Variants in TEX15 observed in about 807,000 individuals in gnomAD.
TEX15 encodes the protein testis-expressed protein 15.
In TEX15, 171 loss-of-function variants were observed where a neutral mutation model predicts 237.3. That is an observed-to-expected ratio of 0.72 (90% CI 0.64 to 0.82). The LOEUF is 0.82. Ranked by LOEUF, TEX15 falls within the 40% of genes least tolerant of loss-of-function variation. The pLI, the probability that TEX15 is intolerant of heterozygous loss-of-function variation, is 0.00. For synonymous variants in TEX15, 1,338 were observed against 1,269.8 expected, an observed-to-expected ratio of 1.05 and a Z score of -1.14; for missense variants, 3,750 against 3,646.5, an observed-to-expected ratio of 1.03 and a Z score of -0.73.
At chr8:30,838,801 T>C (rs536266276) in intron 9 of TEX15, among the ~76,000 whole-genome samples, 3 of 119,862 alleles carry the variant, frequency 2.5e-5, no homozygotes, top group East Asian at 2.2e-4. Flanking sequence ...TATATATATA[T>C]ATATATATAT....
intron 5 of TEX15, among the ~76,000 whole-genome samples, chr8:30,861,948 A>G (rs550686201): frequency 1.3e-5 from 2 of 152,286 alleles, no homozygotes; most frequent in Admixed American, 1.3e-4. Context: ...ATCATAATGA[A>G]GAAAAAATTA....
chr8:30,867,883 G>A (rs1285017200), intron 4 of TEX15, among the ~76,000 whole-genome samples: 2 of 152,022 alleles, frequency 1.3e-5, no homozygotes, highest in Non-Finnish European at 2.9e-5. Context: ...GGTTCAGAAA[G>A]TTAAATCTTG....
chr8:30,911,248 T>G (rs748029310), intron 1 of TEX15, among the ~76,000 whole-genome samples: 5 of 152,164 alleles, frequency 3.3e-5, no homozygotes, highest in Non-Finnish European at 7.3e-5. Flanking sequence ...GCCTCCCGAA[T>G]AGTTGAGATT....
At chr8:30,860,199 C>T (rs1808015584) in intron 5 of TEX15, 142 bp from the exon 6 acceptor site, 3 of 643,732 alleles carry the variant, frequency 4.7e-6, no homozygotes, top group Non-Finnish European at 2.3e-6. Flanking sequence ...GCTGGAGTTG[C>T]AGGCTCGACC....
At chr8:30,908,037 AC>A (rs745522235) in intron 1 of TEX15, among the ~76,000 whole-genome samples, 2 of 151,952 alleles carry the variant, frequency 1.3e-5, no homozygotes, top group African/African-American at 2.4e-5. Context: ...TCAGCAACCT[AC>A]CCCCTCTACC....
chr8:30,841,677 A>T (rs887467733), intron 8 of TEX15, among the ~76,000 whole-genome samples: 1 of 152,100 alleles, frequency 6.6e-6, no homozygotes, highest in Non-Finnish European at 1.5e-5. Flanking sequence ...CTACTCAATA[A>T]ATATTGGTCT....
At chr8:30,900,754 A>G (rs1374443188) in intron 1 of TEX15, among the ~76,000 whole-genome samples, 2 of 152,240 alleles carry the variant, frequency 1.3e-5, no homozygotes, top group Admixed American at 1.3e-4. Flanking sequence ...GGAAAAAGAA[A>G]AGTTGGCTAC....
Position 30,874,959 on chromosome 8 carries a change from C to T in TEX15, c.280G>A (p.Glu94Lys), listed in dbSNP as rs1808371458. 7.4e-7 allele frequency: 1 copy of T among 1,342,402 alleles called. No individual in the cohort carries two copies. The highest frequency in any genetic ancestry group is 9.5e-7 in the Non-Finnish European group (1 of 1,047,440). 83.2% of individuals were successfully genotyped at this position (1,342,402 alleles called of 1,614,324 possible). ...TACCTCTTAGCAGTAAAATTTTTTT[C>T]CAGTTCCTCATTGTGAACCAGTTTT... ...DTKLVHNEEL[E>K]KNFTAKRSEM... The change falls in exon 4 of 11, where the codon GAA (glutamate) becomes AAA (lysine). Residue 94 changes from glutamate to lysine, a missense_variant. Physicochemically the swap from Glu to Lys is moderately conservative, Grantham distance 56. Coordinates refer to ENST00000643185, the MANE Select transcript of TEX15 (RefSeq NM_001350162.2).
chr8:30,901,903 A>C (rs1585317157), intron 1 of TEX15, among the ~76,000 whole-genome samples: 1 of 152,354 alleles, frequency 6.6e-6, no homozygotes, highest in East Asian at 1.9e-4. Context: ...ATTATAGATC[A>C]CTGGCTACGC....
rs1437412660 is a variant in TEX15, at chr8:30,854,505, T to C, written c.850+4163A>G. 2.6e-5 allele frequency among the ~76,000 whole-genome samples: 4 copies of C among 152,104 alleles called. 1 individual carries two copies. The highest frequency in any genetic ancestry group is 7.2e-5 in the African/African-American group (3 of 41,426). On this transcript the variant is annotated intron_variant, in intron 7 of 10. Transcript: ENST00000643185. ...AGAAACTGAATGAGTAATTGAATAC[T>C]ACCCACAAGGAAAAACCCATCCCCA...
Position 30,843,530 on chromosome 8 carries a change from T to C in TEX15, c.6637A>G (p.Lys2213Glu), listed in dbSNP as rs1266278863. 1 of 1,613,164 alleles carries C rather than the reference T, an allele frequency of 6.2e-7. No homozygotes were observed. Among genetic ancestry groups the C allele is most frequent in the South Asian group, 1.1e-5 (1 of 91,014 alleles). Reference protein sequence around the residue: ...DSLEDLEILRKSTLKLINVCG... With the variant: ...DSLEDLEILRESTLKLINVCG... ...ACATTGATCAACTTTAAAGTACTTT[T>C]TCTTAAGATTTCCAGGTCTTCTAAA... The change falls in exon 8 of 11, where the codon AAA becomes GAA. Residue 2213 changes from lysine (K) to glutamate (E), a missense_variant. By Grantham distance (56) the Lys-to-Glu change is moderately conservative. Coordinates refer to ENST00000643185, the MANE Select transcript of TEX15 (RefSeq NM_001350162.2).
intron 3 of TEX15, among the ~76,000 whole-genome samples, chr8:30,881,903 G>A (rs925363262): frequency 1.3e-5 from 2 of 152,026 alleles, no homozygotes; most frequent in Non-Finnish European, 2.9e-5. Context: ...GATTACAGGC[G>A]TGAGCCACCG....
chr8:30,853,122 G>A (rs1280481171), intron 7 of TEX15, among the ~76,000 whole-genome samples: 1 of 152,160 alleles, frequency 6.6e-6, no homozygotes, highest in Non-Finnish European at 1.5e-5. Context: ...TTTGATTAAA[G>A]CAATAAGCTA....
intron 4 of TEX15, among the ~76,000 whole-genome samples, chr8:30,873,580 T>G (rs909729830): frequency 2.0e-5 from 3 of 152,136 alleles, no homozygotes; most frequent in Non-Finnish European, 4.4e-5. Flanking sequence ...TCCCTTGAAG[T>G]AAATCCGTAT....
rs893059248 is a variant in TEX15 at position 30,831,663 on chromosome 8, A to G, written c.*1623T>C. Reference sequence around the variant, plus strand: ...AAACCCATGAAATAAAAATACCACAAAGACAATGTCAACAGAATCTGAAAG... The same window carrying G: ...AAACCCATGAAATAAAAATACCACAGAGACAATGTCAACAGAATCTGAAAG... On this transcript the variant is annotated 3_prime_UTR_variant, in exon 11 of 11. Transcript: ENST00000643185. 6.6e-6 allele frequency: 1 copy of G among 152,236 alleles called. No individual in the cohort carries two copies. The allele number at this position is 152,236 out of a possible 1,614,324, so 9.4% of individuals were successfully genotyped here.
At chr8:30,892,775 TGTAATCCCA>T (rs1481407818) in intron 2 of TEX15, among the ~76,000 whole-genome samples, 2 of 152,220 alleles carry the variant, frequency 1.3e-5, no homozygotes, top group East Asian at 3.9e-4. Context: ...GGCTCACGCC[TGTAATCCCA>T]GCACTTTGGG....
chr8:30,854,673 C>T (rs1302706109), intron 7 of TEX15, among the ~76,000 whole-genome samples: 1 of 152,008 alleles, frequency 6.6e-6, no homozygotes. Context: ...ACCACCAAAA[C>T]CAGACAAAGA....
rs577138891 is a variant in TEX15, at chr8:30,842,576, C to T, written c.7591G>A (p.Ala2531Thr). The change falls in exon 8 of 11, where the codon GCT becomes ACT. Residue 2531 changes from alanine to threonine, a missense_variant. Physicochemically the swap from Ala to Thr is moderately conservative, Grantham distance 58. Coordinates refer to ENST00000643185, the MANE Select transcript of TEX15 (RefSeq NM_001350162.2). ...DLDIICKYNEAVNCSYAIHLL... is the reference protein window; with the variant it reads ...DLDIICKYNETVNCSYAIHLL... ...TGAATAGCATATGAGCAATTAACAG[C>T]TTCATTATATTTGCAGATAATATCC... 1.2e-6 allele frequency: 2 copies of T among 1,610,516 alleles called. No homozygotes were observed. Among genetic ancestry groups the T allele is most frequent in the Non-Finnish European group, 1.7e-6 (2 of 1,179,548 alleles).
chr8:30,857,820 T>A (rs1416554168), intron 7 of TEX15, among the ~76,000 whole-genome samples: 1 of 152,042 alleles, frequency 6.6e-6, no homozygotes, highest in African/African-American at 2.4e-5. Flanking sequence ...AAAAACAAGT[T>A]AAAACCACAA....
Sources: gnomAD v4.1 joint callset for allele counts (sites outside exome capture counted in the v4.1 genomes callset) on GRCh38, gnomAD v4.1.1 for gene constraint, MANE v1.5 for transcripts, NCBI Gene and HGNC (gene_info 2026-07-23, HGNC 2026-07-21) for gene names.